Variants in ABCC12 observed in about 807,000 individuals in gnomAD.
The protein encoded by ABCC12 is ATP-binding cassette sub-family C member 12.
In ABCC12, 142 loss-of-function variants were observed where a neutral mutation model predicts 151.1. The observed-to-expected ratio is 0.94, with a 90% CI of 0.82 to 1.08. ABCC12 has a LOEUF of 1.08. Among genes scored for constraint, ABCC12 ranks in the 50% least tolerant of loss-of-function variants. The pLI is 0.00. For synonymous variants in ABCC12, 645 were observed against 646.4 expected, an observed-to-expected ratio of 1.00 and a Z score of 0.03; for missense variants, 1,638 against 1,691.1, an observed-to-expected ratio of 0.97 and a Z score of 0.55.
At chr16:48,118,571 G>T (rs748391360) in intron 13 of ABCC12, among the ~76,000 whole-genome samples, 31 of 152,322 alleles carry the variant, frequency 2.0e-4, no homozygotes, top group Non-Finnish European at 4.4e-5. Flanking sequence ...TCGTCATCAG[G>T]ACCCTCTTTC....
chr16:48,130,670 A>G (rs557984590), intron 10 of ABCC12, 118 bp downstream of exon 10: 6 of 706,880 alleles, frequency 8.5e-6, no homozygotes, highest in African/African-American at 3.5e-5. Context: ...CCTCCTCCCA[A>G]TGTCAACTCA....
At chr16:48,088,157 C>A in intron 26 of ABCC12, 72 bp from the exon 27 acceptor site, 3 of 1,521,304 alleles carry the variant, frequency 2.0e-6, no homozygotes, top group East Asian at 2.3e-5. Flanking sequence ...AGCATTTAAT[C>A]AGTGGGATTT....
chr16:48,139,436 G>T, intron 6 of ABCC12, 100 bp from the exon 7 acceptor site: 3 of 1,300,078 alleles, frequency 2.3e-6, no homozygotes, highest in Admixed American at 2.4e-5. Flanking sequence ...AGGGAGAAAG[G>T]AGAAAAACTT....
rs1815731943 is a variant in ABCC12 at position 48,121,657 on chromosome 16, T to A, written c.1712+59A>T. The stretch of plus-strand genomic sequence containing the variant: ...GCAGTCATTACCAACAGCATCAGCA[T>A]CTGTAGGAGAGTGTGTACCAAACAC... On this transcript the variant is annotated intron_variant, in intron 13 of 30. Transcript: ENST00000311303. 3 of 1,593,978 alleles carry A rather than the reference T, an allele frequency of 1.9e-6. No homozygotes were observed. In the Admixed American group the frequency reaches 5.1e-5, roughly 27 times the overall value.
intron 8 of ABCC12, among the ~76,000 whole-genome samples, chr16:48,135,691 A>G (rs1328085787): frequency 6.6e-6 from 1 of 152,198 alleles, no homozygotes; most frequent in East Asian, 1.9e-4. Context: ...AACTAAATGA[A>G]AAAACATTTT....
intron 8 of ABCC12, among the ~76,000 whole-genome samples, chr16:48,135,269 C>A (rs1447959027): frequency 5.9e-5 from 9 of 152,158 alleles, no homozygotes; most frequent in South Asian, 2.1e-4. Context: ...CTTTCTCCTG[C>A]GGCAAAACCT....
intron 15 of ABCC12, 125 bp downstream of exon 15, chr16:48,115,290 C>T (rs1963836406): frequency 2.6e-6 from 3 of 1,155,252 alleles, no homozygotes; most frequent in Middle Eastern, 3.0e-4. Flanking sequence ...CTCTTGCATC[C>T]CTGGCTCCCT....
At chr16:48,135,695 A>AC (rs1964585718) in intron 8 of ABCC12, among the ~76,000 whole-genome samples, 1 of 152,194 alleles carries the variant, frequency 6.6e-6, no homozygotes, top group African/African-American at 2.4e-5. Flanking sequence ...AAATGAAAAA[A>AC]CATTTTTAAA....
chr16:48,126,086 C>T (rs1964227989), intron 11 of ABCC12, among the ~76,000 whole-genome samples: 1 of 152,220 alleles, frequency 6.6e-6, no homozygotes, highest in African/African-American at 2.4e-5. Flanking sequence ...TTTCTGGCCA[C>T]ACAATGACTT....
At chr16:48,105,446 G>A in intron 20 of ABCC12, 110 bp from the exon 21 acceptor site, 1 of 1,135,516 alleles carries the variant, frequency 8.8e-7, no homozygotes, top group Non-Finnish European at 1.3e-6. Context: ...AAGCACATGA[G>A]TGTTTTGAAT....
intron 3 of ABCC12, among the ~76,000 whole-genome samples, chr16:48,144,617 T>C (rs1964937633): frequency 6.6e-6 from 1 of 152,172 alleles, no homozygotes; most frequent in Admixed American, 6.5e-5. Flanking sequence ...CAGGCCCCTC[T>C]GCTCACAGCA....
At chr16:48,107,119 A>G (rs1334366758) in intron 20 of ABCC12, among the ~76,000 whole-genome samples, 2 of 152,198 alleles carry the variant, frequency 1.3e-5, no homozygotes, top group Non-Finnish European at 2.9e-5. Flanking sequence ...AGTGGTGTCT[A>G]TACCCTGCTT....
chr16:48,122,935 T>C (rs543190988), intron 12 of ABCC12, among the ~76,000 whole-genome samples: 1 of 152,300 alleles, frequency 6.6e-6, no homozygotes, highest in Admixed American at 6.5e-5. Context: ...TTCATGAGGC[T>C]CAGAGAGGTT....
At chr16:48,139,410 T>C (rs1042195611) in intron 6 of ABCC12, 74 bp from the exon 7 acceptor site, 8 of 1,486,668 alleles carry the variant, frequency 5.4e-6, no homozygotes, top group African/African-American at 4.2e-5. Flanking sequence ...GGCTTTCAGA[T>C]TGGCCGAGGG....
chr16:48,084,269 C>A (rs536657242), intron 29 of ABCC12, among the ~76,000 whole-genome samples, 196 bp from the exon 30 acceptor site: 3 of 152,218 alleles, frequency 2.0e-5, no homozygotes, highest in Admixed American at 6.5e-5. Context: ...TCACCTCCAT[C>A]TTTCCAAAGG....
In ABCC12 at chr16:48,128,513, C is replaced by T; in HGVS notation, c.1461G>A (p.Glu487=). 6.2e-7 allele frequency: 1 copy of T among 1,614,230 alleles called. No individual in the cohort carries two copies. The highest frequency in any genetic ancestry group is 1.1e-5 in the South Asian group (1 of 91,080). The change falls in exon 11 of 31, where the codon GAG becomes GAA. Residue 487 remains glutamate (E), a synonymous_variant. Transcript: ENST00000311303. Reference sequence around the variant, plus strand: ...GAACCGATTTGAGGCTGTCACTTTGCTCCTCTGGGCCAGTGGCTCCCTTGG... The same window carrying T: ...GAACCGATTTGAGGCTGTCACTTTGTTCCTCTGGGCCAGTGGCTCCCTTGG... ...PPAKGATGPE[E]QSDSLKSVLH...
At position 48,107,196 on chromosome 16, in the gene ABCC12, C is replaced by T. The variant is rs139291174; in HGVS notation, c.2475+126G>A. The stretch of plus-strand genomic sequence containing the variant: ...TGGTGTAAGCATCTGACTCCCACTT[C>T]TTGAAAAGGGCAGAGGGATGCATGT... On this transcript the variant is annotated intron_variant, in intron 20 of 30. Coordinates refer to ENST00000311303, the MANE Select transcript of ABCC12 (RefSeq NM_001393797.1). 3.0e-4 allele frequency: 274 copies of T among 909,276 alleles called. No individual in the cohort carries two copies. The African/African-American group carries it at 4.1e-3, about 13-fold the overall frequency. The allele number at this position is 909,276 out of a possible 1,614,324, so 56.3% of individuals were successfully genotyped here.
At chr16:48,127,963 T>A (rs1170236884) in intron 11 of ABCC12, among the ~76,000 whole-genome samples, 1 of 152,014 alleles carries the variant, frequency 6.6e-6, no homozygotes, top group Non-Finnish European at 1.5e-5. Context: ...TAAAAAATTT[T>A]AAAAAATTAT....
In ABCC12 at chr16:48,081,822, C is replaced by T. The variant is rs745385448; in HGVS notation, c.*1893G>A. Among the ~76,000 whole-genome samples the T allele has an allele frequency of 5.3e-5, 8 of 152,182 alleles. No individual in the cohort carries two copies. Among genetic ancestry groups the T allele is most frequent in the Admixed American group, 2.0e-4 (3 of 15,280 alleles). ...ATCATTGTAGTCTATCCTCTGTCCTCATGAAAACACCACCTCTTGAAATCA... is the reference window on the plus strand; with the variant it reads ...ATCATTGTAGTCTATCCTCTGTCCTTATGAAAACACCACCTCTTGAAATCA... On this transcript the variant is annotated 3_prime_UTR_variant, in exon 31 of 31. Transcript: ENST00000311303.
Sources: allele counts gnomAD v4.1 joint callset (sites outside exome capture counted in the v4.1 genomes callset), GRCh38; gene constraint gnomAD v4.1.1; transcripts MANE v1.5; gene names NCBI Gene and HGNC (gene_info 2026-07-23, HGNC 2026-07-21).